OR5B3: variants seen among roughly 807,000 people sequenced by gnomAD.
OR5B3 encodes the protein olfactory receptor family 5 subfamily B member 3.
For missense variants in OR5B3, 430 were observed against 375.4 expected, an observed-to-expected ratio of 1.15 and a Z score of -1.20; for synonymous variants, 150 against 135.0, an observed-to-expected ratio of 1.11 and a Z score of -0.77.
In OR5B3 at chr11:58,402,538, C is replaced by A; in HGVS notation, c.872G>T (p.Arg291Met). ...GAATGCACTCTTCACTTCCTTGTTCCTCAGACTATAGACCAGAGGGTTCAG... is the reference window on the plus strand; with the variant it reads ...GAATGCACTCTTCACTTCCTTGTTCATCAGACTATAGACCAGAGGGTTCAG... ...PMLNPLVYSL[R>M]NKEVKSAFKK... Residue 291 changes from arginine (R) to methionine (M), a missense_variant, in exon 2 of 2, where the codon AGG (arginine) becomes ATG (methionine). Coordinates refer to ENST00000641865, the MANE Select transcript of OR5B3 (RefSeq NM_001005469.2). The A allele has an allele frequency of 6.2e-7, 1 of 1,613,668 alleles. No homozygotes were observed.
At position 58,402,476 on chromosome 11, in the gene OR5B3, A is replaced by T. The variant is rs763980542; in HGVS notation, c.934T>A (p.Trp312Arg). 1 of 1,597,030 alleles carries T rather than the reference A, an allele frequency of 6.3e-7. No homozygotes were observed. Among genetic ancestry groups the T allele is most frequent in the Non-Finnish European group, 8.6e-7 (1 of 1,164,406 alleles). Reference sequence around the variant, plus strand: ...TGCATCCCACAATGTTAAACTGACCATCCTACAGACAATTTTGCCTTCTCA... The same window carrying T: ...TGCATCCCACAATGTTAAACTGACCTTCCTACAGACAATTTTGCCTTCTCA... The part of the protein sequence containing the change: ...VVEKAKLSVG[W>R]SV The change falls in exon 2 of 2, where the codon TGG becomes AGG. Residue 312 changes from tryptophan (W) to arginine (R), a missense_variant. Trp to Arg is a moderately radical substitution (Grantham distance 101, BLOSUM62 -3). Coordinates refer to ENST00000641865, the MANE Select transcript of OR5B3 (RefSeq NM_001005469.2).
rs1453152273 is a variant in OR5B3 at position 58,403,348 on chromosome 11, A to C, written c.62T>G (p.Leu21Arg). ...GAACGTTATAAAGAGGGGAACCTGC[A>C]GTTCTGAGTCATTGGTTAGTCCTAG... ...ILLGLTNDSE[L>R]QVPLFITFPF... Residue 21 changes from leucine (L) to arginine (R), a missense_variant, in exon 2 of 2, where the codon CTG (leucine) becomes CGG (arginine). Transcript: ENST00000641865. 1.2e-6 allele frequency: 2 copies of C among 1,611,908 alleles called. No individual in the cohort carries two copies. Among genetic ancestry groups the C allele is most frequent in the African/African-American group, 1.3e-5 (1 of 74,856 alleles).
rs753880371 is a variant in OR5B3 at position 58,403,052 on chromosome 11, G to T, written c.358C>A (p.Arg120Ser). ...NYLLASMAYD[R>S]YAAVCKPLHY... ...AGGGGTTTGCACACTGCTGCATAGC[G>T]GTCATAGGCCATTGAGGCCAAGAGG... The change falls in exon 2 of 2, where the codon CGC becomes AGC. Residue 120 changes from arginine to serine, a missense_variant. Coordinates refer to ENST00000641865, the MANE Select transcript of OR5B3 (RefSeq NM_001005469.2). 3 of 1,613,936 alleles carry T rather than the reference G, an allele frequency of 1.9e-6. No homozygotes were observed. The highest frequency in any genetic ancestry group is 2.5e-6 in the Non-Finnish European group (3 of 1,179,954).
In OR5B3 at chr11:58,402,922, C is replaced by A. The variant is rs763541000; in HGVS notation, c.488G>T (p.Ser163Ile). The change falls in exon 2 of 2, where the codon AGT (serine) becomes ATT (isoleucine). Residue 163 changes from serine (S) to isoleucine (I), a missense_variant. Physicochemically the swap from Ser to Ile is moderately radical, Grantham distance 142. Transcript: ENST00000641865. ...NASIHTGDTFSLSFCKSNEVH... is the reference protein window; with the variant it reads ...NASIHTGDTFILSFCKSNEVH... ...TTCATTGGACTTACAGAAAGAGAGA[C>A]TAAATGTGTCCCCAGTGTGGATGGA... 8.1e-6 allele frequency: 13 copies of A among 1,613,866 alleles called. No individual in the cohort carries two copies. The highest frequency in any genetic ancestry group is 5.0e-5 in the Admixed American group (3 of 59,970).
intron 1 of OR5B3, 99 bp from the exon 2 acceptor site, chr11:58,403,534 T>C (rs968152998): frequency 1.9e-5 from 11 of 564,668 alleles, no homozygotes; most frequent in Middle Eastern, 4.8e-4. Context: ...CAATAACTTG[T>C]ACTTCAAGAT....
rs1274310390 is a variant in OR5B3 at position 58,403,378 on chromosome 11, A to C, written c.32T>G (p.Ile11Ser). MENKTEVTQF[I>S]LLGLTNDSEL... ...TGAGTCATTGGTTAGTCCTAGAAGAATGAATTGTGTTACTTCTGTCTTATT... is the reference window on the plus strand; with the variant it reads ...TGAGTCATTGGTTAGTCCTAGAAGACTGAATTGTGTTACTTCTGTCTTATT... Residue 11 changes from isoleucine (I) to serine (S), a missense_variant, in exon 2 of 2, where the codon ATT becomes AGT. Physicochemically the swap from Ile to Ser is moderately radical, Grantham distance 142. Coordinates refer to ENST00000641865, the MANE Select transcript of OR5B3 (RefSeq NM_001005469.2). The C allele has an allele frequency of 6.3e-7, 1 of 1,596,770 alleles. No individual in the cohort carries two copies. The highest frequency in any genetic ancestry group is 8.5e-7 in the Non-Finnish European group (1 of 1,171,376).
Position 58,402,634 on chromosome 11 carries a change from T to G in OR5B3, c.776A>C (p.Gln259Pro). ...GTCCATGGAGTGACTGGAGCTGGGTTGTAAGTACATGAAGATAATAGTCCC... is the reference window on the plus strand; with the variant it reads ...GTCCATGGAGTGACTGGAGCTGGGTGGTAAGTACATGAAGATAATAGTCCC... ...FYGTIIFMYL[Q>P]PSSSHSMDTD... is the part of the protein sequence containing the mutation. The change falls in exon 2 of 2, where the codon CAA becomes CCA. Residue 259 changes from glutamine (Q) to proline (P), a missense_variant. Transcript: ENST00000641865. 6.2e-7 allele frequency: 1 copy of G among 1,613,966 alleles called. No homozygotes were observed. Among genetic ancestry groups the G allele is most frequent in the Non-Finnish European group, 8.5e-7 (1 of 1,179,932 alleles).
intron 1 of OR5B3, among the ~76,000 whole-genome samples, chr11:58,405,504 A>G (rs1349885764): frequency 6.6e-6 from 1 of 152,138 alleles, no homozygotes; most frequent in Non-Finnish European, 1.5e-5. Flanking sequence ...GAAACAGAAA[A>G]TCAAATACTG....
chr11:58,403,162 A>G lies in OR5B3; in HGVS notation c.248T>C (p.Phe83Ser). 1 of 1,614,062 alleles carries G rather than the reference A, an allele frequency of 6.2e-7. No homozygotes were observed. The highest frequency in any genetic ancestry group is 8.5e-7 in the Non-Finnish European group (1 of 1,179,942). ...AGAGATGACCTTGTCTTCTATAAGG[A>G]ATCCAGCCATGACGATGGGAGTGAC... is the stretch of plus-strand genomic sequence containing the variant. The part of the protein sequence containing the change: ...SAVTPIVMAG[F>S]LIEDKVISYN... Residue 83 changes from phenylalanine to serine, a missense_variant, in exon 2 of 2, where the codon TTC (phenylalanine) becomes TCC (serine). Phe to Ser is a radical substitution (Grantham distance 155). Coordinates refer to ENST00000641865, the MANE Select transcript of OR5B3 (RefSeq NM_001005469.2).
Position 58,403,290 on chromosome 11 carries a change from G to T in OR5B3, c.120C>A (p.Asn40Lys), listed in dbSNP as rs751580052. ...AGAATATCAATACAATAATTCCCAG[G>T]TTTCCAACCAGAGTGATAATATAGA... ...PFIYIITLVGNLGIIVLIFWD... is the reference protein window; with the variant it reads ...PFIYIITLVGKLGIIVLIFWD... The change falls in exon 2 of 2, where the codon AAC (asparagine) becomes AAA (lysine). Residue 40 changes from asparagine (N) to lysine (K), a missense_variant. Transcript: ENST00000641865. 8.1e-6 allele frequency: 13 copies of T among 1,613,230 alleles called. No individual in the cohort carries two copies. The highest frequency in any genetic ancestry group is 1.6e-4 in the Middle Eastern group (1 of 6,078).
At chr11:58,405,251 T>C (rs984520103) in intron 1 of OR5B3, among the ~76,000 whole-genome samples, 1 of 152,194 alleles carries the variant, frequency 6.6e-6, no homozygotes. Context: ...CTATGTAGTA[T>C]TCCATAAATC....
Position 58,402,671 on chromosome 11 carries a change from C to T in OR5B3, c.739G>A (p.Gly247Ser), listed in dbSNP as rs147658237. 674 of 1,613,720 alleles carry T rather than the reference C, an allele frequency of 4.2e-4. 1 individual carries two copies. Among genetic ancestry groups the T allele is most frequent in the Non-Finnish European group, 5.0e-4 (591 of 1,179,868 alleles). ...STCASHFIAV[G>S]IFYGTIIFMY... ...AAGATAATAGTCCCATAGAAGATGC[C>T]GACTGCAATGAAATGAGAGGCACAG... Residue 247 changes from glycine (G) to serine (S), a missense_variant, in exon 2 of 2, where the codon GGC (glycine) becomes AGC (serine). By Grantham distance (56) the Gly-to-Ser change is moderately conservative. Transcript: ENST00000641865.
At chr11:58,405,271 G>A (rs1260485052) in intron 1 of OR5B3, among the ~76,000 whole-genome samples, 1 of 152,016 alleles carries the variant, frequency 6.6e-6, no homozygotes, top group African/African-American at 2.4e-5. Context: ...CTAGTGTACA[G>A]ATTACTATTT....
At chr11:58,403,467 A>C (rs557208772) in intron 1 of OR5B3, 32 bp from the exon 2 acceptor site, 121 of 898,792 alleles carry the variant, frequency 1.3e-4, no homozygotes, top group Non-Finnish European at 1.9e-4. Context: ...ACAGTGTGAT[A>C]AATAAATTGA....
chr11:58,403,466 T>C (rs1855064233), intron 1 of OR5B3, 31 bp from the exon 2 acceptor site: 11 of 911,076 alleles, frequency 1.2e-5, no homozygotes, highest in South Asian at 1.0e-4. Context: ...AACAGTGTGA[T>C]AAATAAATTG....
chr11:58,405,671 G>A (rs1331419457), intron 1 of OR5B3, among the ~76,000 whole-genome samples: 1 of 152,100 alleles, frequency 6.6e-6, no homozygotes, highest in African/African-American at 2.4e-5. Context: ...CCTAGGTGAT[G>A]GGATGATCTG....
chr11:58,405,203 C>T (rs896071035), intron 1 of OR5B3, among the ~76,000 whole-genome samples: 4 of 152,076 alleles, frequency 2.6e-5, no homozygotes, highest in African/African-American at 9.7e-5. Context: ...CCAGATTCAT[C>T]CACGTTGCTG....
chr11:58,403,321 G>A lies in OR5B3; in HGVS notation c.89C>T (p.Pro30Leu), dbSNP rs17152661. 3.5e-3 allele frequency: 5,654 copies of A among 1,602,844 alleles called. 33 individuals are homozygous for A. The highest frequency in any genetic ancestry group is 0.016 in the Middle Eastern group (94 of 6,044). The change falls in exon 2 of 2, where the codon CCC becomes CTC. Residue 30 changes from proline (P) to leucine (L), a missense_variant. Transcript: ENST00000641865. ...AACCAGAGTGATAATATAGATGAAG[G>A]GGAACGTTATAAAGAGGGGAACCTG... ...ELQVPLFITF[P>L]FIYIITLVGN...
Position 58,403,197 on chromosome 11 carries a change from G to A in OR5B3, c.213C>T (p.Tyr71=), listed in dbSNP as rs1855056718. The A allele has an allele frequency of 6.2e-7, 1 of 1,613,786 alleles. No homozygotes were observed. Among genetic ancestry groups the A allele is most frequent in the South Asian group, 1.1e-5 (1 of 91,054 alleles). Residue 71 remains tyrosine (Y), a synonymous_variant, in exon 2 of 2, where the codon TAC becomes TAT. Coordinates refer to ENST00000641865, the MANE Select transcript of OR5B3 (RefSeq NM_001005469.2). Reference sequence around the variant, plus strand: ...TGACGATGGGAGTGACAGCTGAAGAGTAGCAAAAGTCCACTAGAGACAAGT... The same window carrying A: ...TGACGATGGGAGTGACAGCTGAAGAATAGCAAAAGTCCACTAGAGACAAGT... ...LSNLSLVDFC[Y]SSAVTPIVMA... is the part of the protein sequence containing the mutation.
Sources: allele counts gnomAD v4.1 joint callset (sites outside exome capture counted in the v4.1 genomes callset), GRCh38; gene constraint gnomAD v4.1.1; transcripts MANE v1.5; gene names NCBI Gene and HGNC (gene_info 2026-07-23, HGNC 2026-07-21).